PCDHGA11: variants seen among roughly 807,000 people sequenced by gnomAD.
The protein encoded by PCDHGA11 is protocadherin gamma-A11.
In PCDHGA11, 39 loss-of-function variants were observed where a neutral mutation model predicts 60.4. That is an observed-to-expected ratio of 0.65 (90% confidence interval 0.50 to 0.84). The LOEUF is 0.84. Ranked by LOEUF, PCDHGA11 falls within the 40% of genes least tolerant of loss-of-function variation. The pLI, the probability that PCDHGA11 is intolerant of heterozygous loss-of-function variation, is 0.00. For synonymous variants in PCDHGA11, 533 were observed against 510.3 expected, an observed-to-expected ratio of 1.04 and a Z score of -0.60; for missense variants, 1,165 against 1,197.7, an observed-to-expected ratio of 0.97 and a Z score of 0.40.
chr5:141,483,916 A>C (rs1377841777), intron 1 of PCDHGA11, among the ~76,000 whole-genome samples: 1 of 144,996 alleles, frequency 6.9e-6, no homozygotes, highest in African/African-American at 2.5e-5. Flanking sequence ...TCCCACTCAG[A>C]TTGCAGGTCG....
intron 1 of PCDHGA11, among the ~76,000 whole-genome samples, chr5:141,436,531 G>T (rs1365651055): frequency 6.6e-6 from 1 of 152,152 alleles, no homozygotes; most frequent in African/African-American, 2.4e-5. Context: ...CCTTTAGCAA[G>T]TTATTTAATC....
rs13178808 is a variant in PCDHGA11 at position 141,491,920 on chromosome 5, G to A, written c.2434-2887G>A. 1.2e-4 allele frequency: 164 copies of A among 1,356,270 alleles called. No individual in the cohort carries two copies. Among genetic ancestry groups the A allele is most frequent in the Non-Finnish European group, 1.5e-4 (155 of 1,015,194 alleles). The allele number at this position is 1,356,270 out of a possible 1,614,324, so 84.0% of individuals were successfully genotyped here. On this transcript the variant is annotated intron_variant, in intron 1 of 3. Transcript: ENST00000398587. This position sits in a 1 kb window ranked among gnomAD's most constrained non-coding sequence, Gnocchi z 6.9. ...ACCGGGGGTGGTGGCGACTGTGGGC[G>A]AGGGGAGGTGGGACCGACCCCCACC...
At chr5:141,441,747 G>A in intron 1 of PCDHGA11, 2 of 372,470 alleles carry the variant, frequency 5.4e-6, no homozygotes, top group Non-Finnish European at 5.4e-6. Flanking sequence ...CGCGCTCGGC[G>A]TCAACGTGAG....
Position 141,451,147 on chromosome 5 carries a change from A to G in PCDHGA11, c.2433+27487A>G, listed in dbSNP as rs2098708727. ...CCAGCCTTATGATTGTATTTAGACT[A>G]GACATTTTTTTGGTAGTATATTATT... On this transcript the variant is annotated intron_variant, in intron 1 of 3. Coordinates refer to ENST00000398587, the MANE Select transcript of PCDHGA11 (RefSeq NM_018914.3). Among the ~76,000 whole-genome samples, 3 of 152,250 alleles carry G rather than the reference A, an allele frequency of 2.0e-5. No homozygotes were observed. In the South Asian group the frequency reaches 6.2e-4, roughly 32 times the overall value.
At chr5:141,438,268 C>T (rs949472857) in intron 1 of PCDHGA11, among the ~76,000 whole-genome samples, 1 of 152,054 alleles carries the variant, frequency 6.6e-6, no homozygotes. Flanking sequence ...ACCATAGAAT[C>T]AAACAAAATA....
rs776975666 is a variant in PCDHGA11 at position 141,432,850 on chromosome 5, G to A, written c.2433+9190G>A. The A allele has an allele frequency of 6.2e-7, 1 of 1,614,170 alleles. No homozygotes were observed. The highest frequency in any genetic ancestry group is 1.1e-5 in the South Asian group (1 of 91,088). ...TCACTCTGTACCTGGTGGTAGCGGT[G>A]GCCGCGGTCTCCTGCGTCTTCCTGG... is the stretch of plus-strand genomic sequence containing the variant. On this transcript the variant is annotated intron_variant, in intron 1 of 3. Coordinates refer to ENST00000398587, the MANE Select transcript of PCDHGA11 (RefSeq NM_018914.3). The surrounding 1 kb of genome is among the most constrained non-coding windows in gnomAD (Gnocchi z 6.0).
intron 1 of PCDHGA11, among the ~76,000 whole-genome samples, chr5:141,471,913 G>A (rs1307168228): frequency 6.6e-6 from 1 of 152,164 alleles, no homozygotes. Context: ...CAAGCATGAG[G>A]GAAATTTTGG....
chr5:141,436,840 C>T (rs1195342311), intron 1 of PCDHGA11, among the ~76,000 whole-genome samples: 1 of 152,220 alleles, frequency 6.6e-6, no homozygotes, highest in Admixed American at 6.5e-5. Flanking sequence ...TGCCTAGGCA[C>T]ATTCTTGATT....
At position 141,431,335 on chromosome 5, in the gene PCDHGA11, C is replaced by A. The variant is rs747132346; in HGVS notation, c.2433+7675C>A. On this transcript the variant is annotated intron_variant, in intron 1 of 3. Transcript: ENST00000398587. This position sits in a 1 kb window ranked among gnomAD's most constrained non-coding sequence, Gnocchi z 4.8. ...ATGGAGCCGACGGTAGTAAGTACCCCGAATTGGTGCTGAAACGCGCCCTGG... is the reference window on the plus strand; with the variant it reads ...ATGGAGCCGACGGTAGTAAGTACCCAGAATTGGTGCTGAAACGCGCCCTGG... 11 of 1,613,944 alleles carry A rather than the reference C, an allele frequency of 6.8e-6. No homozygotes were observed. The Admixed American group carries it at 1.5e-4, about 22-fold the overall frequency.
chr5:141,506,815 A>G (rs2099856451), intron 3 of PCDHGA11, among the ~76,000 whole-genome samples: 1 of 152,214 alleles, frequency 6.6e-6, no homozygotes, highest in African/African-American at 2.4e-5. Flanking sequence ...GCATTGCCCT[A>G]TATCATGAAC....
rs1182148013 is a variant in PCDHGA11, at chr5:141,431,510, G to C, written c.2433+7850G>C. On this transcript the variant is annotated intron_variant, in intron 1 of 3. Transcript: ENST00000398587. This position sits in a 1 kb window ranked among gnomAD's most constrained non-coding sequence, Gnocchi z 4.8. ...TGCTCAGCCCGAGTACCGCGCGAGC[G>C]TTCCGGAGAATCTGGCCTTGGGCAC... 6.2e-7 allele frequency: 1 copy of C among 1,614,022 alleles called. No homozygotes were observed. The highest frequency in any genetic ancestry group is 8.5e-7 in the Non-Finnish European group (1 of 1,180,026).
At position 141,489,244 on chromosome 5, in the gene PCDHGA11, G is replaced by C. The variant is rs145484133; in HGVS notation, c.2434-5563G>C. The C allele has an allele frequency of 3.3e-6, 5 of 1,534,936 alleles. No homozygotes were observed. Among genetic ancestry groups the C allele is most frequent in the African/African-American group, 1.4e-5 (1 of 72,374 alleles). On this transcript the variant is annotated intron_variant, in intron 1 of 3. Transcript: ENST00000398587. This position sits in a 1 kb window ranked among gnomAD's most constrained non-coding sequence, Gnocchi z 4.5. ...TCCACAAAGGGACTTCTGGGTCATGGGGCCCAAGACACTCCCACAGCTCGC... is the reference window on the plus strand; with the variant it reads ...TCCACAAAGGGACTTCTGGGTCATGCGGCCCAAGACACTCCCACAGCTCGC...
chr5:141,481,167 A>C (rs77180710), intron 1 of PCDHGA11, among the ~76,000 whole-genome samples: 2,577 of 152,328 alleles, frequency 0.017, 78 homozygotes, highest in African/African-American at 0.059. Flanking sequence ...GCAGAACCAG[A>C]ATCCAGCTTT....
chr5:141,465,777 C>G (rs2099109055), intron 1 of PCDHGA11, among the ~76,000 whole-genome samples: 2 of 151,768 alleles, frequency 1.3e-5, no homozygotes, highest in African/African-American at 2.4e-5. Flanking sequence ...TCTCTTGTTA[C>G]AGTTTTTTTT....
At position 141,487,550 on chromosome 5, in the gene PCDHGA11, G is replaced by A. The variant is rs762537798; in HGVS notation, c.2434-7257G>A. 1 of 1,614,160 alleles carries A rather than the reference G, an allele frequency of 6.2e-7. No individual in the cohort carries two copies. The highest frequency in any genetic ancestry group is 1.1e-5 in the South Asian group (1 of 91,082). ...CTTCATGATGGTGAAGTCACCCAGT[G>A]CACCTATGGCAGGGGAGCCTGTTCG... On this transcript the variant is annotated intron_variant, in intron 1 of 3. Transcript: ENST00000398587. The surrounding 1 kb of genome is among the most constrained non-coding windows in gnomAD (Gnocchi z 5.0).
chr5:141,490,445 A>G lies in PCDHGA11; in HGVS notation c.2434-4362A>G, dbSNP rs2099700298. 6.2e-7 allele frequency: 1 copy of G among 1,614,022 alleles called. No individual in the cohort carries two copies. The highest frequency in any genetic ancestry group is 8.5e-7 in the Non-Finnish European group (1 of 1,180,030). ...CCATTTCAGATTAAGCCTTCTGAGA[A>G]CCACTACTCGCTGCTAACCAGCCAG... On this transcript the variant is annotated intron_variant, in intron 1 of 3. Coordinates refer to ENST00000398587, the MANE Select transcript of PCDHGA11 (RefSeq NM_018914.3). The surrounding 1 kb of genome is among the most constrained non-coding windows in gnomAD (Gnocchi z 5.4).
In PCDHGA11 at chr5:141,512,859, CAT is replaced by C. The variant is rs1474518602; in HGVS notation, c.*1688_*1689del. 6.6e-6 allele frequency: 1 copy of C among 152,296 alleles called. No homozygotes were observed. The highest frequency in any genetic ancestry group is 1.9e-4 in the East Asian group (1 of 5,200). The allele number at this position is 152,296 out of a possible 1,614,324, so 9.4% of individuals were successfully genotyped here. A position where few individuals can be genotyped will look rare whatever the true frequency, so the allele number is the denominator to read the frequency against. On this transcript the variant is annotated 3_prime_UTR_variant, in exon 4 of 4. Transcript: ENST00000398587. ...CTTCTCCTATAAGCGCTTCTCTTCG[CAT>C]AGTCACGTAGCTCCCACCCCACCCT... is the stretch of plus-strand genomic sequence containing the variant.
At chr5:141,500,348 A>G (rs2099799436) in intron 2 of PCDHGA11, among the ~76,000 whole-genome samples, 1 of 151,950 alleles carries the variant, frequency 6.6e-6, no homozygotes, top group Non-Finnish European at 1.5e-5. Context: ...AGCTGGGACT[A>G]CAGGCGCCCA....
rs1290682140 is a variant in PCDHGA11 at position 141,431,692 on chromosome 5, G to A, written c.2433+8032G>A. 1 of 1,614,132 alleles carries A rather than the reference G, an allele frequency of 6.2e-7. No homozygotes were observed. The highest frequency in any genetic ancestry group is 2.2e-5 in the East Asian group (1 of 44,888). On this transcript the variant is annotated intron_variant, in intron 1 of 3. Transcript: ENST00000398587. The surrounding 1 kb of genome is among the most constrained non-coding windows in gnomAD (Gnocchi z 4.8). The stretch of plus-strand genomic sequence containing the variant: ...CAATAGGGGAGTTGGACCACGAGGA[G>A]TCAGGATTCTACCAGATGGAAGTGC...
Sources: allele counts gnomAD v4.1 joint callset (sites outside exome capture counted in the v4.1 genomes callset), GRCh38; gene constraint gnomAD v4.1.1; non-coding constraint Gnocchi (gnomAD v3.1); transcripts MANE v1.5; gene names NCBI Gene and HGNC (gene_info 2026-07-23, HGNC 2026-07-21).